SLC4A10: variants seen among roughly 807,000 people sequenced by gnomAD.
SLC4A10 encodes the protein sodium-driven chloride bicarbonate exchanger.
SLC4A10 carries 42 observed loss-of-function variants against 137.7 expected under a neutral mutation model. The ratio of observed to expected loss-of-function variants is 0.30; its 90% CI spans 0.24 to 0.39. The LOEUF is 0.39. Among genes scored for constraint, SLC4A10 ranks in the 10% least tolerant of loss-of-function variants. SLC4A10 has a pLI of 1.00. For synonymous variants in SLC4A10, 474 were observed against 464.1 expected (o/e 1.02, Z -0.27); for missense variants, 925 against 1,355.0 (o/e 0.68, Z 4.98).
intron 15 of SLC4A10, among the ~76,000 whole-genome samples, chr2:161,907,055 CAAAAAAA>C (rs556899761): frequency 3.3e-5 from 3 of 90,884 alleles, no homozygotes; most frequent in Admixed American, 9.7e-5. Flanking sequence ...GACTCCGTCT[CAAAAAAA>C]AAAAAAAAAA....
At chr2:161,681,362 A>G (rs2040831336) in intron 1 of SLC4A10, among the ~76,000 whole-genome samples, 1 of 152,210 alleles carries the variant, frequency 6.6e-6, no homozygotes, top group Non-Finnish European at 1.5e-5. Flanking sequence ...AGGAATATAC[A>G]GTTGATATTC....
intron 10 of SLC4A10, among the ~76,000 whole-genome samples, chr2:161,889,804 C>T (rs1291820911): frequency 1.3e-5 from 2 of 151,882 alleles, no homozygotes; most frequent in Admixed American, 1.3e-4. Flanking sequence ...CTGCTCTGAC[C>T]TTAGTTATTT....
chr2:161,980,962 A>G (rs1261618877), intron 26 of SLC4A10, among the ~76,000 whole-genome samples: 2 of 152,230 alleles, frequency 1.3e-5, no homozygotes, highest in Non-Finnish European at 2.9e-5. Flanking sequence ...AGTAATTCCG[A>G]ACAATGGATC....
chr2:161,822,849 C>G (rs2057736923), intron 3 of SLC4A10, among the ~76,000 whole-genome samples: 1 of 152,076 alleles, frequency 6.6e-6, no homozygotes, highest in African/African-American at 2.4e-5. Flanking sequence ...GTGATGCGCA[C>G]CTGTAGTCCC....
chr2:161,673,072 A>AG (rs1234012482), intron 1 of SLC4A10, among the ~76,000 whole-genome samples: 1 of 152,208 alleles, frequency 6.6e-6, no homozygotes, highest in Non-Finnish European at 1.5e-5. Flanking sequence ...TGAGCAGGGC[A>AG]GGGGGATTAA....
At chr2:161,818,888 A>G (rs543365547) in intron 3 of SLC4A10, among the ~76,000 whole-genome samples, 3 of 152,134 alleles carry the variant, frequency 2.0e-5, no homozygotes, top group South Asian at 4.1e-4. Context: ...CCAGTATTTT[A>G]TTGAGGATTT....
intron 15 of SLC4A10, among the ~76,000 whole-genome samples, chr2:161,928,534 A>T (rs1024038524): frequency 1.3e-5 from 2 of 151,220 alleles, no homozygotes; most frequent in South Asian, 4.2e-4. Flanking sequence ...ATAACAGAAT[A>T]AAAAAAGTAT....
intron 1 of SLC4A10, among the ~76,000 whole-genome samples, chr2:161,747,218 C>G (rs1376323140): frequency 2.6e-5 from 4 of 152,038 alleles, no homozygotes; most frequent in Non-Finnish European, 5.9e-5. Flanking sequence ...GTGGGGCTAG[C>G]CAGAATTCAG....
At chr2:161,778,957 T>A (rs2052701462) in intron 2 of SLC4A10, among the ~76,000 whole-genome samples, 1 of 151,952 alleles carries the variant, frequency 6.6e-6, no homozygotes, top group African/African-American at 2.4e-5. Flanking sequence ...TGTTTTGTGT[T>A]GCTATAACAG....
chr2:161,694,129 C>T (rs966120265), intron 1 of SLC4A10, among the ~76,000 whole-genome samples: 6 of 151,938 alleles, frequency 3.9e-5, no homozygotes, highest in Admixed American at 3.3e-4. Context: ...ACATGTGTGA[C>T]TTTGATACAT....
intron 2 of SLC4A10, among the ~76,000 whole-genome samples, chr2:161,772,581 A>T (rs2051770759): frequency 6.6e-6 from 1 of 151,928 alleles, no homozygotes; most frequent in East Asian, 1.9e-4. Flanking sequence ...GAGATTTCTG[A>T]TTGGTAGAGC....
intron 24 of SLC4A10, among the ~76,000 whole-genome samples, chr2:161,975,830 C>T (rs1347488260): frequency 6.6e-6 from 1 of 152,178 alleles, no homozygotes; most frequent in African/African-American, 2.4e-5. Context: ...GCACCATGCC[C>T]ATTGTGTTCC....
At chr2:161,665,631 C>T (rs1359381052) in intron 1 of SLC4A10, among the ~76,000 whole-genome samples, 1 of 151,410 alleles carries the variant, frequency 6.6e-6, no homozygotes, top group African/African-American at 2.4e-5. Context: ...CAAAAATGGC[C>T]AAATCTTAAG....
In SLC4A10 at chr2:161,963,947, T is replaced by A. The variant is rs543048590; in HGVS notation, c.2863-188T>A. Among the ~76,000 whole-genome samples the A allele has an allele frequency of 2.6e-5, 4 of 152,320 alleles. No individual in the cohort carries two copies. In the East Asian group the frequency reaches 5.8e-4, roughly 22 times the overall value. The stretch of plus-strand genomic sequence containing the variant: ...ATATTCAAGAAAATGTGGGCTATTG[T>A]TTAACTGAAATTGTAGTGTTTCAGA... On this transcript the variant is annotated intron_variant, in intron 21 of 26. Coordinates refer to ENST00000446997, the MANE Select transcript of SLC4A10 (RefSeq NM_001178015.2).
chr2:161,754,138 A>G (rs1322490560), intron 1 of SLC4A10, among the ~76,000 whole-genome samples: 1 of 151,894 alleles, frequency 6.6e-6, no homozygotes, highest in Non-Finnish European at 1.5e-5. Flanking sequence ...TCCTGGGCTC[A>G]AGTTATCTGT....
At chr2:161,785,240 A>T (rs1040163301) in intron 2 of SLC4A10, among the ~76,000 whole-genome samples, 1 of 151,900 alleles carries the variant, frequency 6.6e-6, no homozygotes, top group East Asian at 1.9e-4. Context: ...AATCAGTAAT[A>T]AAAGACCTCC....
chr2:161,912,266 A>G (rs763173414), intron 15 of SLC4A10, among the ~76,000 whole-genome samples: 6 of 152,152 alleles, frequency 3.9e-5, no homozygotes, highest in Non-Finnish European at 7.4e-5. Flanking sequence ...AAAGGCAGCT[A>G]TTTACATAAG....
intron 18 of SLC4A10, among the ~76,000 whole-genome samples, 173 bp from the exon 19 acceptor site, chr2:161,950,514 T>A (rs565431924): frequency 6.6e-6 from 1 of 152,250 alleles, no homozygotes; most frequent in African/African-American, 2.4e-5. Flanking sequence ...GTTAAAATAT[T>A]TAAAGCACTT....
At chr2:161,784,112 A>G (rs953380483) in intron 2 of SLC4A10, among the ~76,000 whole-genome samples, 3 of 151,860 alleles carry the variant, frequency 2.0e-5, no homozygotes, top group African/African-American at 4.8e-5. Context: ...AAAATAGACT[A>G]TAAGTCAAAA....
Sources: allele counts gnomAD v4.1 joint callset (sites outside exome capture counted in the v4.1 genomes callset), GRCh38; gene constraint gnomAD v4.1.1; transcripts MANE v1.5; gene names NCBI Gene and HGNC (gene_info 2026-07-23, HGNC 2026-07-21).